EOGT: variants seen among roughly 807,000 people sequenced by gnomAD.
EOGT encodes EGF domain-specific O-linked N-acetylglucosamine transferase.
EOGT carries 55 observed loss-of-function variants against 70.5 expected under a neutral mutation model. The observed-to-expected ratio is 0.78, with a 90% CI of 0.63 to 0.98. The LOEUF (loss-of-function observed/expected upper bound fraction) is 0.98, where lower values mean the gene tolerates loss of function less well. Ranked by LOEUF, EOGT falls within the 50% of genes least tolerant of loss-of-function variation. The pLI is 0.00. For missense variants in EOGT, 703 were observed against 641.9 expected, an observed-to-expected ratio of 1.10 and a Z score of -1.03; for synonymous variants, 246 against 217.1, an observed-to-expected ratio of 1.13 and a Z score of -1.17.
Position 69,005,061 on chromosome 3 carries a change from C to CAA in EOGT, c.515+77_515+78dup, listed in dbSNP as rs11320020. ...TGGGCAACAGAGCAAGACCCTGTCTCAAAAAAAAAAAAAAAAATCCCTGGA... is the reference window on the plus strand; with the variant it reads ...TGGGCAACAGAGCAAGACCCTGTCTCAAAAAAAAAAAAAAAAAAATCCCTGGA... On this transcript the variant is annotated intron_variant, in intron 7 of 17. Coordinates refer to ENST00000383701, the MANE Select transcript of EOGT (RefSeq NM_001278689.2). 590 of 664,878 alleles carry CAA rather than the reference C, an allele frequency of 8.9e-4. 1 individual carries two copies. Among genetic ancestry groups the CAA allele is most frequent in the African/African-American group, 8.4e-3 (407 of 48,514 alleles). The allele number at this position is 664,878 out of a possible 1,614,324, so 41.2% of individuals were successfully genotyped here.
rs956548431 is a variant in EOGT at position 68,978,271 on chromosome 3, A to G, written c.1437+62T>C. ...AGTTCAATAACCATTTTTCATATCA[A>G]TAATTGGATACTTTAAACCAATTAA... On this transcript the variant is annotated intron_variant, in intron 17 of 17. Coordinates refer to ENST00000383701, the MANE Select transcript of EOGT (RefSeq NM_001278689.2). The G allele has an allele frequency of 1.0e-5, 12 of 1,185,824 alleles. No individual in the cohort carries two copies. The African/African-American group carries it at 1.4e-4, about 14-fold the overall frequency. The allele number at this position is 1,185,824 out of a possible 1,614,324, so 73.5% of individuals were successfully genotyped here. A position where few individuals can be genotyped will look rare whatever the true frequency, so the allele number is the denominator to read the frequency against.
intron 3 of EOGT, 80 bp from the exon 4 acceptor site, chr3:69,009,940 A>G (rs919593065): frequency 1.3e-6 from 1 of 746,596 alleles, no homozygotes; most frequent in East Asian, 2.7e-5. Flanking sequence ...CAACAAAAAA[A>G]AAAAAAAAAC....
At chr3:69,007,396 T>TA (rs1426353492) in intron 6 of EOGT, among the ~76,000 whole-genome samples, 1 of 151,976 alleles carries the variant, frequency 6.6e-6, no homozygotes, top group Non-Finnish European at 1.5e-5. Flanking sequence ...CTCACGCCTG[T>TA]AATCCCAGCA....
In EOGT at chr3:68,975,669, C is replaced by A. The variant is rs2090454810; in HGVS notation, c.*1949G>T. On this transcript the variant is annotated 3_prime_UTR_variant, in exon 18 of 18. Coordinates refer to ENST00000383701, the MANE Select transcript of EOGT (RefSeq NM_001278689.2). The stretch of plus-strand genomic sequence containing the variant: ...TTGCACACAAAAAACAGTTACAATA[C>A]CTGCCACTTAAAAATCCATAACATG... The A allele has an allele frequency of 6.6e-6, 1 of 152,320 alleles. No individual in the cohort carries two copies. Among genetic ancestry groups the A allele is most frequent in the Admixed American group, 6.5e-5 (1 of 15,286 alleles). 9.4% of individuals were successfully genotyped at this position (152,320 alleles called of 1,614,324 possible).
chr3:69,003,705 A>G (rs2091360079), intron 8 of EOGT, among the ~76,000 whole-genome samples: 2 of 152,238 alleles, frequency 1.3e-5, no homozygotes, highest in Admixed American at 6.5e-5. Context: ...GTTAACAGTC[A>G]GAGTAGCATC....
chr3:68,978,247 G>T (rs2090527727), intron 17 of EOGT, 86 bp downstream of exon 17: 1 of 969,848 alleles, frequency 1.0e-6, no homozygotes. Context: ...CAGCACTGAA[G>T]TTCAATAACC....
chr3:68,997,999 A>G lies in EOGT; in HGVS notation c.831+12T>C, dbSNP rs2107308897. 1 of 1,444,448 alleles carries G rather than the reference A, an allele frequency of 6.9e-7. No homozygotes were observed. The highest frequency in any genetic ancestry group is 9.5e-7 in the Non-Finnish European group (1 of 1,048,158). 89.5% of individuals were successfully genotyped at this position (1,444,448 alleles called of 1,614,324 possible). ...AAGACAGTACTGAAGCGGAGAGCAC[A>G]TTCTTACTTACGGTGTCCCACATCA... is the stretch of plus-strand genomic sequence containing the variant. On this transcript the variant is annotated intron_variant, in intron 10 of 17. Transcript: ENST00000383701.
intron 10 of EOGT, among the ~76,000 whole-genome samples, 191 bp downstream of exon 10, chr3:68,997,820 T>C (rs1345319269): frequency 1.3e-5 from 2 of 152,194 alleles, no homozygotes; most frequent in East Asian, 1.9e-4. Context: ...CACACATACA[T>C]ACCTATCTGC....
At chr3:68,979,609 T>C (rs1300704594) in intron 16 of EOGT, 59 bp downstream of exon 16, 5 of 1,576,344 alleles carry the variant, frequency 3.2e-6, no homozygotes, top group East Asian at 2.3e-5. Flanking sequence ...ATGAAAGCTT[T>C]AGCATGCATA....
At chr3:68,995,608 T>C (rs1409114252) in intron 10 of EOGT, among the ~76,000 whole-genome samples, 1 of 151,820 alleles carries the variant, frequency 6.6e-6, no homozygotes, top group East Asian at 1.9e-4. Context: ...TCACTTACAG[T>C]GAGCTAATGT....
At chr3:68,989,302 CT>C (rs2090908819) in intron 10 of EOGT, among the ~76,000 whole-genome samples, 4 of 152,158 alleles carry the variant, frequency 2.6e-5, no homozygotes, top group Admixed American at 2.6e-4. Flanking sequence ...TAGTTCAGGG[CT>C]TTTTCCTGTG....
intron 15 of EOGT, among the ~76,000 whole-genome samples, chr3:68,982,435 A>G (rs990412223): frequency 1.3e-5 from 2 of 152,122 alleles, no homozygotes; most frequent in Non-Finnish European, 2.9e-5. Flanking sequence ...CAGGAGAATT[A>G]CTTGAACCCA....
intron 16 of EOGT, 41 bp from the exon 17 acceptor site, chr3:68,978,476 A>G (rs773777542): frequency 1.4e-6 from 2 of 1,416,610 alleles, no homozygotes; most frequent in South Asian, 1.3e-5. Flanking sequence ...CTTTTGTCCA[A>G]GGTTTTTTCC....
chr3:68,983,548 T>C (rs1023457498), intron 14 of EOGT, among the ~76,000 whole-genome samples: 2 of 152,250 alleles, frequency 1.3e-5, no homozygotes, highest in African/African-American at 4.8e-5. Context: ...TCATGTTGCC[T>C]TGTGGCATGC....
At chr3:68,978,478 GT>G in intron 16 of EOGT, 43 bp from the exon 17 acceptor site, 1 of 1,399,048 alleles carries the variant, frequency 7.1e-7, no homozygotes, top group Non-Finnish European at 9.8e-7. Flanking sequence ...TTTGTCCAAG[GT>G]TTTTTCCAAA....
chr3:69,006,248 GACAGA>G (rs1325775699), intron 6 of EOGT, among the ~76,000 whole-genome samples: 1 of 152,186 alleles, frequency 6.6e-6, no homozygotes, highest in African/African-American at 2.4e-5. Context: ...AAATGTGCAA[GACAGA>G]ACAGAACTCT....
intron 13 of EOGT, chr3:68,987,816 G>A (rs1457626809): frequency 2.3e-6 from 1 of 432,294 alleles, no homozygotes; most frequent in East Asian, 4.3e-5. Flanking sequence ...ACCAATGAAG[G>A]GGGAAAGGAG....
intron 10 of EOGT, among the ~76,000 whole-genome samples, chr3:68,991,368 T>C (rs1467896749): frequency 6.6e-6 from 1 of 152,246 alleles, no homozygotes; most frequent in Non-Finnish European, 1.5e-5. Context: ...CCTACAGAAA[T>C]GCTAGGATGA....
chr3:68,989,555 C>T (rs2090919490), intron 10 of EOGT, among the ~76,000 whole-genome samples: 1 of 151,880 alleles, frequency 6.6e-6, no homozygotes, highest in Non-Finnish European at 1.5e-5. Flanking sequence ...TGAGACCAGC[C>T]TGACCAATAT....
Sources: gnomAD v4.1 joint callset for allele counts (sites outside exome capture counted in the v4.1 genomes callset) on GRCh38, gnomAD v4.1.1 for gene constraint, MANE v1.5 for transcripts, NCBI Gene and HGNC (gene_info 2026-07-23, HGNC 2026-07-21) for gene names.